Variants in MAPK10 observed in about 807,000 individuals in gnomAD.
The protein encoded by MAPK10 is JNK3 alpha protein kinase.
Under a neutral mutation model 59.3 loss-of-function variants are expected in MAPK10, and 25 were observed. The observed-to-expected ratio is 0.42, with a 90% CI of 0.31 to 0.59. The LOEUF (loss-of-function observed/expected upper bound fraction) is 0.59, where lower values mean the gene tolerates loss of function less well. MAPK10 is among the 20% of genes least tolerant of loss of function. The pLI is 0.15. For synonymous variants in MAPK10, 190 were observed against 200.5 expected (o/e 0.95, Z 0.44); for missense variants, 351 against 568.9 (o/e 0.62, Z 3.90).
chr4:86,101,426 C>T, intron 7 of MAPK10: 1 of 497,080 alleles, frequency 2.0e-6, no homozygotes. Flanking sequence ...ATTGTATTAT[C>T]ATTTTCACAA....
chr4:86,522,957 A>C (rs903253104), intron 1 of MAPK10, among the ~76,000 whole-genome samples: 1 of 152,226 alleles, frequency 6.6e-6, no homozygotes, highest in Non-Finnish European at 1.5e-5. Flanking sequence ...ATTTGTTGCT[A>C]TATGCAGGAA....
At chr4:86,080,370 C>T (rs1228266754) in intron 9 of MAPK10, 2 of 150,862 alleles carry the variant, frequency 1.3e-5, no homozygotes, top group Admixed American at 1.3e-4. Flanking sequence ...ATGACTATTA[C>T]ACTGACAACT....
chr4:86,394,182 T>G (rs1268616344), intron 1 of MAPK10, among the ~76,000 whole-genome samples: 1 of 151,960 alleles, frequency 6.6e-6, no homozygotes, highest in Non-Finnish European at 1.5e-5. Flanking sequence ...GGCAGGAGAA[T>G]TGCTTGAACC....
rs183946064 is a variant in MAPK10, at chr4:86,590,632, A to G, written c.-263+3278T>C. On this transcript the variant is annotated intron_variant, in intron 1 of 4. Transcript: ENST00000502302. ...GACCCCTCTCTACAAAACTTTTTTAAAAAATTAGCTGGGCATGGTGGTGTG... is the reference window on the plus strand; with the variant it reads ...GACCCCTCTCTACAAAACTTTTTTAGAAAATTAGCTGGGCATGGTGGTGTG... Among the ~76,000 whole-genome samples the G allele has an allele frequency of 3.4e-3, 511 of 152,156 alleles. 1 individual carries two copies. The highest frequency in any genetic ancestry group is 0.012 in the African/African-American group (494 of 41,524).
At position 86,492,432 on chromosome 4, in the gene MAPK10, T is replaced by C. The variant is rs72868865; in HGVS notation, c.-263+101478A>G. On this transcript the variant is annotated intron_variant, in intron 1 of 4. Transcript: ENST00000502302. ...TATTCTTCTTGCCAAATAAAAATAT[T>C]CCTCTATCCTTGTTAGTTCTGCAGC... Among the ~76,000 whole-genome samples, 199 of 152,322 alleles carry C rather than the reference T, an allele frequency of 1.3e-3. 1 individual carries two copies. Among genetic ancestry groups the C allele is most frequent in the African/African-American group, 4.6e-3 (192 of 41,570 alleles).
intron 1 of MAPK10, among the ~76,000 whole-genome samples, chr4:86,371,481 T>C (rs2148993332): frequency 6.6e-6 from 1 of 152,254 alleles, no homozygotes; most frequent in Non-Finnish European, 1.5e-5. Flanking sequence ...TTATTCAGGA[T>C]CACAAATGAC....
At chr4:86,518,413 T>C (rs962872439) in intron 1 of MAPK10, among the ~76,000 whole-genome samples, 5 of 152,248 alleles carry the variant, frequency 3.3e-5, no homozygotes, top group African/African-American at 9.6e-5. Context: ...AAGGTGTTCA[T>C]AGTAGCCTTG....
upstream of MAPK10, chr4:86,360,282 G>A (rs1736666757): frequency 5.1e-6 from 4 of 785,792 alleles, no homozygotes; most frequent in Middle Eastern, 6.6e-4. Flanking sequence ...CAGCAACTAC[G>A]ACATCAAGGC....
intron 1 of MAPK10, among the ~76,000 whole-genome samples, chr4:86,546,936 G>A (rs967183370): frequency 1.5e-4 from 23 of 151,872 alleles, no homozygotes; most frequent in Admixed American, 2.6e-4. Context: ...GGCACCTGTA[G>A]TCCCAGTTAC....
chr4:86,547,332 G>T (rs866276130), intron 1 of MAPK10, among the ~76,000 whole-genome samples: 29 of 151,900 alleles, frequency 1.9e-4, no homozygotes, highest in Admixed American at 1.1e-3. Context: ...AGAGGCGCTG[G>T]GGGGAACCAG....
At chr4:86,377,101 C>A (rs1369650146) in intron 1 of MAPK10, among the ~76,000 whole-genome samples, 1 of 152,196 alleles carries the variant, frequency 6.6e-6, no homozygotes, top group Non-Finnish European at 1.5e-5. Context: ...CAGTCATTCC[C>A]TGTGAGGTCG....
intron 1 of MAPK10, among the ~76,000 whole-genome samples, chr4:86,535,048 C>A (rs1758127028): frequency 6.6e-6 from 1 of 152,126 alleles, no homozygotes; most frequent in South Asian, 2.1e-4. Context: ...CACTTTTCTA[C>A]CCTGGGACTT....
intron 9 of MAPK10, among the ~76,000 whole-genome samples, chr4:86,078,831 A>T (rs1433639554): frequency 6.6e-6 from 1 of 152,052 alleles, no homozygotes; most frequent in Non-Finnish European, 1.5e-5. Context: ...CTCTACTAAA[A>T]ATACAAAAGC....
In MAPK10 at chr4:86,166,156, A is replaced by T. The variant is rs114401225; in HGVS notation, c.67-6689T>A. ...TAACAGGCAATGTGCTAGATGTCTA[A>T]CAAATTATTTCGTGTAAGAATTAGC... On this transcript the variant is annotated intron_variant, in intron 3 of 13. Coordinates refer to ENST00000641462, the MANE Select transcript of MAPK10 (RefSeq NM_138982.4). 8.0e-3 allele frequency among the ~76,000 whole-genome samples: 1,216 copies of T among 152,316 alleles called. 14 individuals carry two copies. Among genetic ancestry groups the T allele is most frequent in the African/African-American group, 0.028 (1,150 of 41,566 alleles).
chr4:86,423,564 T>A (rs1055783963), intron 1 of MAPK10, among the ~76,000 whole-genome samples: 1 of 151,836 alleles, frequency 6.6e-6, no homozygotes, highest in Non-Finnish European at 1.5e-5. Flanking sequence ...CAGAAGAAAG[T>A]GTAGACAGGT....
intron 2 of MAPK10, among the ~76,000 whole-genome samples, chr4:86,214,627 A>T (rs2148617126): frequency 6.6e-6 from 1 of 152,128 alleles, no homozygotes; most frequent in East Asian, 1.9e-4. Context: ...AACAATGAAC[A>T]ATCTGAAAAG....
chr4:86,354,247 A>T (rs1048112383), intron 2 of MAPK10, among the ~76,000 whole-genome samples: 1 of 152,026 alleles, frequency 6.6e-6, no homozygotes, highest in African/African-American at 2.4e-5. Flanking sequence ...CCCAACTGTT[A>T]CTCTGCCACA....
At chr4:86,337,010 C>A (rs960832218) in intron 2 of MAPK10, among the ~76,000 whole-genome samples, 1 of 151,962 alleles carries the variant, frequency 6.6e-6, no homozygotes, top group Non-Finnish European at 1.5e-5. Flanking sequence ...AGGATGATCT[C>A]AATCTCCTGA....
At chr4:86,041,126 G>A (rs559015177) in intron 11 of MAPK10, 68 of 152,086 alleles carry the variant, frequency 4.5e-4, no homozygotes, top group African/African-American at 1.4e-3. Flanking sequence ...TTACCATGAA[G>A]GTGAAAAGAA....
Sources: gnomAD v4.1 joint callset for allele counts (sites outside exome capture counted in the v4.1 genomes callset) on GRCh38, gnomAD v4.1.1 for gene constraint, MANE v1.5 for transcripts, NCBI Gene and HGNC (gene_info 2026-07-23, HGNC 2026-07-21) for gene names.